Variants in CROCC2 observed in about 807,000 individuals in gnomAD.
CROCC2 encodes ciliary rootlet coiled-coil protein 2.
Under a neutral mutation model 177.6 loss-of-function variants are expected in CROCC2, and 163 were observed. The observed-to-expected ratio is 0.92, with a 90% confidence interval of 0.81 to 1.05. The LOEUF (loss-of-function observed/expected upper bound fraction) is 1.05, where lower values mean the gene tolerates loss of function less well. CROCC2 is among the 50% of genes least tolerant of loss of function. The pLI, the probability that CROCC2 is intolerant of heterozygous loss-of-function variation, is 0.00. For missense variants in CROCC2, 1,929 were observed against 1,797.8 expected, an observed-to-expected ratio of 1.07 and a Z score of -1.32; for synonymous variants, 904 against 787.3, an observed-to-expected ratio of 1.15 and a Z score of -2.48.
At chr2:240,933,937 C>T (rs1287879509) in intron 11 of CROCC2, 85 bp downstream of exon 11, 10 of 1,403,660 alleles carry the variant, frequency 7.1e-6, no homozygotes, top group East Asian at 5.0e-5. Flanking sequence ...CCTTGGGCCA[C>T]GGGTCTGCTT....
rs2059665865 is a variant in CROCC2, at chr2:240,964,636, A to C, written c.3465+11A>C. The C allele has an allele frequency of 6.5e-7, 1 of 1,547,144 alleles. No individual in the cohort carries two copies. The highest frequency in any genetic ancestry group is 2.0e-5 in the Admixed American group (1 of 50,916). ...GAACTCCACAGACAGGTAGGGCGGCAGGGAGGGGTCAACATCCAACCAGGC... is the reference window on the plus strand; with the variant it reads ...GAACTCCACAGACAGGTAGGGCGGCCGGGAGGGGTCAACATCCAACCAGGC... On this transcript the variant is annotated intron_variant, in intron 22 of 31. Coordinates refer to ENST00000690015, the MANE Select transcript of CROCC2 (RefSeq NM_001351305.2).
In CROCC2 at chr2:240,959,345, C is replaced by T. The variant is rs1435626117; in HGVS notation, c.2988C>T (p.Ala996=). The T allele has an allele frequency of 1.9e-6, 3 of 1,550,452 alleles. No homozygotes were observed. The highest frequency in any genetic ancestry group is 1.2e-5 in the South Asian group (1 of 84,060). Residue 996 remains alanine (A), a synonymous_variant, in exon 20 of 32, where the codon GCC becomes GCT. Coordinates refer to ENST00000690015, the MANE Select transcript of CROCC2 (RefSeq NM_001351305.2). ...CTGAGGAGCTGAAGGCCCTCCAGGCCCAGTTTGAGGATGCCATCACAGCCC... is the reference window on the plus strand; with the variant it reads ...CTGAGGAGCTGAAGGCCCTCCAGGCTCAGTTTGAGGATGCCATCACAGCCC... ...ATTEELKALQ[A]QFEDAITAHQ...
At chr2:240,983,229 T>G in intron 28 of CROCC2, 200 bp downstream of exon 28, 1 of 867,078 alleles carries the variant, frequency 1.2e-6, no homozygotes, top group Non-Finnish European at 1.7e-6. Flanking sequence ...AAACTGAGCC[T>G]GGAGGGGCCC....
intron 26 of CROCC2, 29 bp from the exon 27 acceptor site, chr2:240,968,099 GC>G (rs1208091142): frequency 4.1e-5 from 57 of 1,407,240 alleles, no homozygotes; most frequent in Non-Finnish European, 4.9e-5. Flanking sequence ...GGGCATGGGG[GC>G]CCCTCAAGCC....
intron 27 of CROCC2, among the ~76,000 whole-genome samples, chr2:240,970,355 A>G (rs1490765131): frequency 6.6e-6 from 1 of 152,058 alleles, no homozygotes; most frequent in East Asian, 1.9e-4. Context: ...ATCTCACCTT[A>G]GAGTCTCTGC....
At chr2:240,945,027 C>G (rs1370067975) in intron 14 of CROCC2, among the ~76,000 whole-genome samples, 1 of 152,148 alleles carries the variant, frequency 6.6e-6, no homozygotes, top group Non-Finnish European at 1.5e-5. Flanking sequence ...ACCTCTGCCT[C>G]CTGGGTTCAA....
chr2:240,942,949 C>T (rs1161863458), intron 14 of CROCC2, among the ~76,000 whole-genome samples: 2 of 152,008 alleles, frequency 1.3e-5, no homozygotes, highest in South Asian at 2.1e-4. Context: ...TGTTCAGATT[C>T]GTAGTCTCCT....
At chr2:240,919,049 TGGCGTGGGGG>T (rs1559589553) in intron 2 of CROCC2, among the ~76,000 whole-genome samples, 173 bp downstream of exon 2, 1 of 29,066 alleles carries the variant, frequency 3.4e-5, no homozygotes, top group African/African-American at 1.0e-4. Flanking sequence ...GGCAAGGTGA[TGGCGTGGGGG>T]ACGGTCCTGG....
chr2:240,987,971 T>G (rs2059851423), intron 28 of CROCC2, among the ~76,000 whole-genome samples: 1 of 152,230 alleles, frequency 6.6e-6, no homozygotes, highest in Admixed American at 6.5e-5. Context: ...GCAGGCTGTC[T>G]GGGGCTGGTG....
chr2:240,967,450 G>T lies in CROCC2; in HGVS notation c.4252G>T (p.Ala1418Ser). ...CGTGGGGCAGCTGCAGAAAGCCCTG[G>T]CTGAGGCGGAAGAAGGTGACCTCCC... Reference protein sequence around the residue: ...SRVGQLQKALAEAEEGQRRVE... With the variant: ...SRVGQLQKALSEAEEGQRRVE... Residue 1418 changes from alanine to serine, a missense_variant, in exon 26 of 32, where the codon GCT becomes TCT. By Grantham distance (99) the Ala-to-Ser change is moderately conservative. This residue lies in a region of CROCC2 where 388 missense variants were observed against 352.7 expected (regional missense o/e 1.10). Coordinates refer to ENST00000690015, the MANE Select transcript of CROCC2 (RefSeq NM_001351305.2). 1 of 1,469,662 alleles carries T rather than the reference G, an allele frequency of 6.8e-7. No individual in the cohort carries two copies. Among genetic ancestry groups the T allele is most frequent in the Non-Finnish European group, 9.3e-7 (1 of 1,073,416 alleles). The allele number at this position is 1,469,662 out of a possible 1,614,324, so 91.0% of individuals were successfully genotyped here. A position where few individuals can be genotyped will look rare whatever the true frequency, so the allele number is the denominator to read the frequency against.
rs1435546479 is a variant in CROCC2 at position 240,967,664 on chromosome 2, C to G, written c.4267+199C>G. Reference sequence around the variant, plus strand: ...ATCGGAGTTCTCAGCAGCGACTTCCCCAGCACAGAGGAGTGACGTCCACAG... The same window carrying G: ...ATCGGAGTTCTCAGCAGCGACTTCCGCAGCACAGAGGAGTGACGTCCACAG... On this transcript the variant is annotated intron_variant, in intron 26 of 31. Transcript: ENST00000690015. 3.7e-6 allele frequency: 3 copies of G among 812,952 alleles called. No individual in the cohort carries two copies. The African/African-American group carries it at 5.6e-5, about 15-fold the overall frequency. The allele number at this position is 812,952 out of a possible 1,614,324, so 50.4% of individuals were successfully genotyped here.
chr2:240,935,891 C>A lies in CROCC2; in HGVS notation c.2169+303C>A, dbSNP rs540400094. ...TCTTAGTGAGCTTTGCTGTTTCCTC[C>A]TCTGTCTTGTTTCTCCCTGGTCCAC... On this transcript the variant is annotated intron_variant, in intron 14 of 31. Coordinates refer to ENST00000690015, the MANE Select transcript of CROCC2 (RefSeq NM_001351305.2). Among the ~76,000 whole-genome samples the A allele has an allele frequency of 1.2e-4, 18 of 152,376 alleles. No individual in the cohort carries two copies. The East Asian group carries it at 3.3e-3, about 28-fold the overall frequency.
intron 14 of CROCC2, among the ~76,000 whole-genome samples, chr2:240,939,924 T>C (rs1187728683): frequency 2.6e-5 from 4 of 152,340 alleles, no homozygotes; most frequent in East Asian, 3.8e-4. Flanking sequence ...ATTATTTGAA[T>C]GGATTTAAAT....
In CROCC2 at chr2:240,972,574, G is replaced by A. The variant is rs1016896926; in HGVS notation, c.4401+4312G>A. On this transcript the variant is annotated intron_variant, in intron 27 of 31. Coordinates refer to ENST00000690015, the MANE Select transcript of CROCC2 (RefSeq NM_001351305.2). This position sits in a 1 kb window ranked among gnomAD's most constrained non-coding sequence, Gnocchi z 7.1. ...TGGGGACATGGGGGTCCAACTTTGG[G>A]TCTCCACAATGAGTGCAGAGGACGT... Among the ~76,000 whole-genome samples the A allele has an allele frequency of 2.6e-5, 4 of 151,892 alleles. No individual in the cohort carries two copies. Among genetic ancestry groups the A allele is most frequent in the South Asian group, 2.1e-4 (1 of 4,798 alleles).
At position 240,960,006 on chromosome 2, in the gene CROCC2, C is replaced by A. The variant is rs1409399896; in HGVS notation, c.3087+562C>A. On this transcript the variant is annotated intron_variant, in intron 20 of 31. Coordinates refer to ENST00000690015, the MANE Select transcript of CROCC2 (RefSeq NM_001351305.2). The surrounding 1 kb of genome is among the most constrained non-coding windows in gnomAD (Gnocchi z 5.0). ...GGCCAGAGCCACGCAGCCAAAGGCT[C>A]CAGGAGTCCAGCCGGCCCCCTCGTT... Among the ~76,000 whole-genome samples, 1 of 152,244 alleles carries A rather than the reference C, an allele frequency of 6.6e-6. No individual in the cohort carries two copies. The highest frequency in any genetic ancestry group is 2.4e-5 in the African/African-American group (1 of 41,472).
intron 28 of CROCC2, among the ~76,000 whole-genome samples, chr2:240,985,623 CCACA>C (rs202128999): frequency 4.6e-5 from 5 of 108,102 alleles, no homozygotes; most frequent in Admixed American, 9.8e-5. Context: ...GACACTCACT[CCACA>C]CACACCCAGG....
chr2:240,992,368 C>T (rs996214722), intron 31 of CROCC2, among the ~76,000 whole-genome samples: 1 of 152,250 alleles, frequency 6.6e-6, no homozygotes, highest in African/African-American at 2.4e-5. Context: ...ATCACAGTTA[C>T]TGTGAGCCTT....
intron 4 of CROCC2, among the ~76,000 whole-genome samples, chr2:240,922,872 TG>T (rs2059365794): frequency 6.6e-6 from 1 of 151,944 alleles, no homozygotes; most frequent in African/African-American, 2.4e-5. Context: ...CTGGGCAGTG[TG>T]GGGGCCTGCA....
rs1486902223 is a variant in CROCC2 at position 240,973,029 on chromosome 2, G to T, written c.4401+4767G>T. Among the ~76,000 whole-genome samples the T allele has an allele frequency of 6.6e-6, 1 of 152,098 alleles. No individual in the cohort carries two copies. Among genetic ancestry groups the T allele is most frequent in the Non-Finnish European group, 1.5e-5 (1 of 68,016 alleles). ...CAGGGGGGTGCTAGGGTCCAGTAGGGCAGGCCTGGTGCCTCTCCTGGCTCT... is the reference window on the plus strand; with the variant it reads ...CAGGGGGGTGCTAGGGTCCAGTAGGTCAGGCCTGGTGCCTCTCCTGGCTCT... On this transcript the variant is annotated intron_variant, in intron 27 of 31. Coordinates refer to ENST00000690015, the MANE Select transcript of CROCC2 (RefSeq NM_001351305.2). This position sits in a 1 kb window ranked among gnomAD's most constrained non-coding sequence, Gnocchi z 4.7.
Sources: allele counts gnomAD v4.1 joint callset (sites outside exome capture counted in the v4.1 genomes callset), GRCh38; gene constraint gnomAD v4.1.1; regional missense constraint gnomAD v4.1.1; non-coding constraint Gnocchi (gnomAD v3.1); transcripts MANE v1.5; gene names NCBI Gene and HGNC (gene_info 2026-07-23, HGNC 2026-07-21).